The following TACC1 variants were observed in gnomAD, a reference collection of about 807,000 sequenced individuals.
TACC1 encodes transforming acidic coiled-coil-containing protein 1.
In TACC1, 48 loss-of-function variants were observed where a neutral mutation model predicts 84.4. The observed-to-expected ratio is 0.57, with a 90% CI of 0.45 to 0.72. TACC1 has a LOEUF of 0.72. Among genes scored for constraint, TACC1 ranks in the 30% least tolerant of loss-of-function variants. The pLI is 0.00. For missense variants in TACC1, 920 were observed against 973.0 expected, an observed-to-expected ratio of 0.95 and a Z score of 0.72; for synonymous variants, 372 against 376.3, an observed-to-expected ratio of 0.99 and a Z score of 0.13.
At chr8:38,819,409 A>C in intron 2 of TACC1, 113 bp from the exon 3 acceptor site, 1 of 1,239,086 alleles carries the variant, frequency 8.1e-7, no homozygotes, top group Non-Finnish European at 1.1e-6. Context: ...AGAGATGCTT[A>C]ATAAAAGCAA....
intron 3 of TACC1, among the ~76,000 whole-genome samples, chr8:38,747,145 CAAT>C (rs768290740): frequency 3.9e-5 from 6 of 152,268 alleles, no homozygotes; most frequent in South Asian, 4.1e-4. Context: ...ATTAAAACAA[CAAT>C]GAGATACCAC....
chr8:38,788,781 C>T lies in TACC1; in HGVS notation c.239C>T (p.Pro80Leu). The T allele has an allele frequency of 6.2e-7, 1 of 1,613,632 alleles. No homozygotes were observed. Among genetic ancestry groups the T allele is most frequent in the African/African-American group, 1.3e-5 (1 of 75,048 alleles). Residue 80 changes from proline to leucine, a missense_variant, in exon 2 of 13, where the codon CCA becomes CTA. Physicochemically the swap from Pro to Leu is moderately conservative, Grantham distance 98. Coordinates refer to ENST00000317827, the MANE Select transcript of TACC1 (RefSeq NM_006283.3). ...IRSPFKESCD[P>L]SLGLAGPGAK... is the part of the protein sequence containing the mutation. ...TCACCTTTCAAGGAGTCCTGTGATC[C>T]ATCACTCGGATTGGCAGGACCTGGG...
In TACC1 at chr8:38,753,905, TTTTCTTTC is replaced by T. The variant is rs9298641; in HGVS notation, c.26+8431_26+8438del. ...AGGCTTCACTCTTTCCTCTTTTTCT[TTTTCTTTC>T]TTTCTTTCTTTCTTTCTTCTTTCTC... On this transcript the variant is annotated intron_variant, in intron 3 of 14. Transcript: ENST00000518415. Among the ~76,000 whole-genome samples the T allele has an allele frequency of 3.5e-4, 44 of 124,602 alleles. 1 individual carries two copies. In the East Asian group the frequency reaches 5.6e-3, roughly 16 times the overall value. The allele number at this position is 124,602 out of a possible 152,430, so 81.7% of individuals were successfully genotyped here.
At chr8:38,846,455 ATCT>A in intron 11 of TACC1, 1 of 346,462 alleles carries the variant, frequency 2.9e-6, no homozygotes, top group Non-Finnish European at 5.2e-6. Flanking sequence ...AAAAAAAAAA[ATCT>A]AAGACTGTTA....
At chr8:38,842,711 C>T (rs1257729296) in intron 10 of TACC1, among the ~76,000 whole-genome samples, 1 of 152,204 alleles carries the variant, frequency 6.6e-6, no homozygotes, top group Non-Finnish European at 1.5e-5. Context: ...CAGGCTGTGG[C>T]GTAGACTGCA....
intron 1 of TACC1, chr8:38,742,333 G>T: frequency 8.4e-7 from 1 of 1,192,830 alleles, no homozygotes; most frequent in South Asian, 1.7e-5. Flanking sequence ...ACTCCCACCT[G>T]ACTTAATTCT....
chr8:38,817,289 C>A (rs1024531109), intron 2 of TACC1, among the ~76,000 whole-genome samples: 4 of 152,196 alleles, frequency 2.6e-5, no homozygotes, highest in African/African-American at 9.7e-5. Context: ...TTTTAGTTGT[C>A]TGCCTCCGCA....
In TACC1 at chr8:38,819,651, GAGA is replaced by G; in HGVS notation, c.412_414del (p.Glu138del). The G allele has an allele frequency of 6.2e-7, 1 of 1,614,234 alleles. No homozygotes were observed. Among genetic ancestry groups the G allele is most frequent in the African/African-American group, 1.3e-5 (1 of 75,070 alleles). On this transcript the variant is annotated inframe_deletion, in exon 3 of 13. Transcript: ENST00000317827. ...GACTCTCACTCAGTCAAGAATTTCA[GAGA>G]AGAACCTGAACATGATTTTAGCAAA...
rs191970549 is a variant in TACC1 at position 38,836,708 on chromosome 8, G to T, written c.1839+421G>T. Among the ~76,000 whole-genome samples the T allele has an allele frequency of 3.3e-5, 5 of 152,244 alleles. No individual in the cohort carries two copies. In the East Asian group the frequency reaches 7.7e-4, roughly 23 times the overall value. ...CATTCTTTAAACCGTTCAACTCTCC[G>T]ATTCCTGTATTGTGTTTCTTGAACA... On this transcript the variant is annotated intron_variant, in intron 7 of 12. Transcript: ENST00000317827.
intron 3 of TACC1, among the ~76,000 whole-genome samples, chr8:38,769,196 GT>G (rs1214033695): frequency 1.3e-5 from 2 of 148,498 alleles, no homozygotes; most frequent in African/African-American, 5.0e-5. Flanking sequence ...GGTGTGTGTG[GT>G]GTGTGTGATT....
intron 2 of TACC1, among the ~76,000 whole-genome samples, chr8:38,796,892 G>A (rs1281312551): frequency 6.6e-6 from 1 of 152,218 alleles, no homozygotes; most frequent in Non-Finnish European, 1.5e-5. Context: ...TGAAAACAAC[G>A]AACATCTCAC....
chr8:38,835,490 C>G (rs1193382048), intron 6 of TACC1, among the ~76,000 whole-genome samples: 2 of 152,214 alleles, frequency 1.3e-5, no homozygotes, highest in African/African-American at 4.8e-5. Context: ...AACCAACACA[C>G]AGGCATGGTC....
chr8:38,810,911 G>A (rs1484821853), intron 2 of TACC1, among the ~76,000 whole-genome samples: 1 of 152,154 alleles, frequency 6.6e-6, no homozygotes, highest in Non-Finnish European at 1.5e-5. Flanking sequence ...GGGCCCAGGA[G>A]TTTGAGACTA....
chr8:38,849,102 T>C lies in TACC1; in HGVS notation c.*1079T>C, dbSNP rs1832773315. The C allele has an allele frequency of 6.6e-6, 1 of 152,174 alleles. No individual in the cohort carries two copies. The highest frequency in any genetic ancestry group is 2.1e-4 in the South Asian group (1 of 4,828). The allele number at this position is 152,174 out of a possible 1,614,324, so 9.4% of individuals were successfully genotyped here. A position where few individuals can be genotyped will look rare whatever the true frequency, so the allele number is the denominator to read the frequency against. ...GGTGAAGAAATGTTTTTTTCCCAAG[T>C]GTGATGCATTGTTCTTCAGATGTTG... On this transcript the variant is annotated 3_prime_UTR_variant, in exon 13 of 13. Transcript: ENST00000317827.
At chr8:38,776,951 C>G (rs1454247125) in intron 3 of TACC1, among the ~76,000 whole-genome samples, 1 of 152,078 alleles carries the variant, frequency 6.6e-6, no homozygotes, top group Non-Finnish European at 1.5e-5. Context: ...GTGACACAGT[C>G]TGATAAAGAA....
intron 2 of TACC1, chr8:38,800,028 G>T (rs1029255931): frequency 6.6e-6 from 1 of 152,276 alleles, no homozygotes. Flanking sequence ...GGGCATGATG[G>T]CTTGTGCCTT....
At chr8:38,791,177 G>A (rs1818558879) in intron 2 of TACC1, among the ~76,000 whole-genome samples, 1 of 152,124 alleles carries the variant, frequency 6.6e-6, no homozygotes, top group African/African-American at 2.4e-5. Context: ...TTGAATAGAG[G>A]CCTGGATGAC....
chr8:38,748,271 T>A (rs1233845327), intron 3 of TACC1, among the ~76,000 whole-genome samples: 2 of 152,132 alleles, frequency 1.3e-5, no homozygotes, highest in South Asian at 4.2e-4. Flanking sequence ...GACATAAAAT[T>A]TACAAATTTA....
chr8:38,738,282 G>T (rs1806379288), intron 1 of TACC1, among the ~76,000 whole-genome samples: 2 of 151,928 alleles, frequency 1.3e-5, no homozygotes, highest in African/African-American at 4.8e-5. Context: ...GGTGGCAAGT[G>T]CCTGTAGTCC....
Sources: gnomAD v4.1 joint callset for allele counts (sites outside exome capture counted in the v4.1 genomes callset) on GRCh38, gnomAD v4.1.1 for gene constraint, MANE v1.5 for transcripts, NCBI Gene and HGNC (gene_info 2026-07-23, HGNC 2026-07-21) for gene names.